The following DDX18 variants were observed in gnomAD, a reference collection of about 807,000 sequenced individuals.
DDX18 encodes ATP-dependent RNA helicase DDX18.
In DDX18, 23 loss-of-function variants were observed where a neutral mutation model predicts 73.5. That is an observed-to-expected ratio of 0.31 (90% confidence interval 0.23 to 0.44). The LOEUF is 0.44. DDX18 is among the 20% of genes least tolerant of loss of function. The pLI is 1.00. For missense variants in DDX18, 753 were observed against 792.9 expected (o/e 0.95, Z 0.60); for synonymous variants, 268 against 282.7 (o/e 0.95, Z 0.52).
intron 2 of DDX18, 61 bp downstream of exon 2, chr2:117,817,789 T>C: frequency 6.7e-7 from 1 of 1,501,060 alleles, no homozygotes. Flanking sequence ...TTATTGTTCC[T>C]CTTTCTATTA....
In DDX18 at chr2:117,819,759, A is replaced by G; in HGVS notation, c.481A>G (p.Ser161Gly). ...VEKPDNDEDE[S>G]EVPSLPLGLT... ...GAAGCCAGATAATGATGAAGATGAG[A>G]GTGAGGTGCCCAGTCTGCCCCTGGG... The change falls in exon 3 of 14, where the codon AGT becomes GGT. Residue 161 changes from serine (S) to glycine (G), a missense_variant. Transcript: ENST00000263239. 1 of 1,605,956 alleles carries G rather than the reference A, an allele frequency of 6.2e-7. No homozygotes were observed. Among genetic ancestry groups the G allele is most frequent in the Non-Finnish European group, 8.5e-7 (1 of 1,177,276 alleles).
In DDX18 at chr2:117,818,548, C is replaced by T. The variant is rs528941977; in HGVS notation, c.370+820C>T. Among the ~76,000 whole-genome samples, 5 of 152,334 alleles carry T rather than the reference C, an allele frequency of 3.3e-5. No individual in the cohort carries two copies. The East Asian group carries it at 9.6e-4, about 29-fold the overall frequency. ...CTTCATGATGCCTACACACAGAAGT[C>T]ATTGTAATCCTGTTCTAAAATTATT... On this transcript the variant is annotated intron_variant, in intron 2 of 13. Coordinates refer to ENST00000263239, the MANE Select transcript of DDX18 (RefSeq NM_006773.4).
Position 117,821,509 on chromosome 2 carries a change from A to G in DDX18, c.651-141A>G, listed in dbSNP as rs10490632. On this transcript the variant is annotated intron_variant, in intron 4 of 13. Transcript: ENST00000263239. ...TAGCACAGTTCTGACTTATGATTTC[A>G]GTATATAACCCAGGTGATCAATTTC... The G allele has an allele frequency of 0.083, 89,747 of 1,084,898 alleles. 4,071 individuals carry two copies. Among genetic ancestry groups the G allele is most frequent in the African/African-American group, 0.12 (7,636 of 62,904 alleles). The allele number at this position is 1,084,898 out of a possible 1,614,324, so 67.2% of individuals were successfully genotyped here.
intron 2 of DDX18, 92 bp from the exon 3 acceptor site, chr2:117,819,557 G>A (rs779925175): frequency 1.3e-4 from 147 of 1,163,330 alleles, no homozygotes; most frequent in South Asian, 1.5e-4. Flanking sequence ...GAAAATATAC[G>A]TCTTTATATC....
rs1680012083 is a variant in DDX18, at chr2:117,830,870, T to G, written c.*146T>G. The G allele has an allele frequency of 1.2e-6, 1 of 852,194 alleles. No homozygotes were observed. The highest frequency in any genetic ancestry group is 1.8e-6 in the Non-Finnish European group (1 of 554,934). 52.8% of individuals were successfully genotyped at this position (852,194 alleles called of 1,614,324 possible). A position where few individuals can be genotyped will look rare whatever the true frequency, so the allele number is the denominator to read the frequency against. On this transcript the variant is annotated 3_prime_UTR_variant, in exon 14 of 14. Transcript: ENST00000263239. Reference sequence around the variant, plus strand: ...CTTGGGTTGCAAGCACTGAGCACTGTTACTTCTATCACGTCTCTCTTTTAT... The same window carrying G: ...CTTGGGTTGCAAGCACTGAGCACTGGTACTTCTATCACGTCTCTCTTTTAT...
intron 3 of DDX18, among the ~76,000 whole-genome samples, chr2:117,820,744 T>C (rs1404513401): frequency 3.9e-5 from 6 of 152,232 alleles, no homozygotes; most frequent in Admixed American, 3.9e-4. Context: ...TTCTGTGTCT[T>C]GTTGGAGTGA....
intron 1 of DDX18, among the ~76,000 whole-genome samples, chr2:117,816,867 A>G (rs1327522717): frequency 1.3e-5 from 2 of 152,218 alleles, no homozygotes; most frequent in Non-Finnish European, 2.9e-5. Context: ...TTATAATCTT[A>G]TGGAGCCACT....
chr2:117,826,417 G>C, intron 11 of DDX18, 35 bp downstream of exon 11: 1 of 1,587,312 alleles, frequency 6.3e-7, no homozygotes, highest in South Asian at 1.1e-5. Flanking sequence ...ATTTCTCTTG[G>C]TGTAGGGATT....
chr2:117,830,505 C>T (rs940328515), intron 13 of DDX18, 77 bp from the exon 14 acceptor site: 17 of 1,512,686 alleles, frequency 1.1e-5, no homozygotes, highest in Admixed American at 2.2e-5. Context: ...GTGTTCATGC[C>T]GGTTTTTTTC....
At chr2:117,828,920 T>G in intron 11 of DDX18, 29 bp from the exon 12 acceptor site, 1 of 1,497,366 alleles carries the variant, frequency 6.7e-7, no homozygotes, top group Non-Finnish European at 9.3e-7. Flanking sequence ...TCATCCTGGT[T>G]TACTAATCTT....
Position 117,830,554 on chromosome 2 carries a change from G to T in DDX18, c.1871-28G>T, listed in dbSNP as rs1240029987. The T allele has an allele frequency of 2.3e-5, 36 of 1,596,152 alleles. No individual in the cohort carries two copies. The Admixed American group carries it at 2.7e-4, about 12-fold the overall frequency. ...TAGATTGGAGTTCATTATCTTTTTT[G>T]CTTGATTTCCTTAATGTTTGCCTCC... On this transcript the variant is annotated intron_variant, in intron 13 of 13. Transcript: ENST00000263239.
Position 117,830,619 on chromosome 2 carries a change from A to T in DDX18, c.1908A>T (p.Gly636=), listed in dbSNP as rs139880949. Residue 636 remains glycine (G), a synonymous_variant, in exon 14 of 14, where the codon GGA becomes GGT. Coordinates refer to ENST00000263239, the MANE Select transcript of DDX18 (RefSeq NM_006773.4). ...NSNEGKQKKR[G]GGGGFGYQKT... is the part of the protein sequence containing the mutation. ...ATGAAGGCAAGCAGAAAAAGCGAGG[A>T]GGTGGTGGTGGATTTGGCTACCAGA... 10 of 1,613,690 alleles carry T rather than the reference A, an allele frequency of 6.2e-6. No individual in the cohort carries two copies. The highest frequency in any genetic ancestry group is 1.3e-5 in the African/African-American group (1 of 74,898).
chr2:117,821,597 C>A, intron 4 of DDX18, 53 bp from the exon 5 acceptor site: 1 of 1,585,284 alleles, frequency 6.3e-7, no homozygotes, highest in Non-Finnish European at 8.7e-7. Flanking sequence ...GTATGTAGTA[C>A]GTCGTAAATG....
chr2:117,830,809 TAGA>T lies in DDX18; in HGVS notation c.*87_*89del, dbSNP rs889038045. The T allele has an allele frequency of 3.2e-6, 5 of 1,550,242 alleles. No homozygotes were observed. The African/African-American group carries it at 6.9e-5, about 21-fold the overall frequency. ...GATTTAACAGGATTTTTGTAGACTT[TAGA>T]ATTTGGACTTACCTAACAAGAGTAT... On this transcript the variant is annotated 3_prime_UTR_variant, in exon 14 of 14. Coordinates refer to ENST00000263239, the MANE Select transcript of DDX18 (RefSeq NM_006773.4).
rs376710134 is a variant in DDX18 at position 117,818,797 on chromosome 2, C to T, written c.371-852C>T. 5.3e-5 allele frequency among the ~76,000 whole-genome samples: 8 copies of T among 152,150 alleles called. No individual in the cohort carries two copies. In the East Asian group the frequency reaches 9.6e-4, roughly 18 times the overall value. On this transcript the variant is annotated intron_variant, in intron 2 of 13. Coordinates refer to ENST00000263239, the MANE Select transcript of DDX18 (RefSeq NM_006773.4). ...TCGGCTTCCCAAAGTGCTGGGATTA[C>T]AGGCAGAAGCCACCACACCCAACCA...
At chr2:117,826,995 A>G (rs548620619) in intron 11 of DDX18, 2 of 153,554 alleles carry the variant, frequency 1.3e-5, no homozygotes, top group African/African-American at 4.8e-5. Context: ...GTCCCTAACC[A>G]GCCTAATTTG....
Position 117,831,375 on chromosome 2 carries a change from T to C in DDX18, c.*651T>C, listed in dbSNP as rs1456144272. ...CAAAAACTATGGGTTGTAATTTGAA[T>C]AAAGTGTCACTAAGCAGTTATAACG... On this transcript the variant is annotated 3_prime_UTR_variant, in exon 14 of 14. Transcript: ENST00000263239. The C allele has an allele frequency of 6.6e-6, 1 of 152,218 alleles. No individual in the cohort carries two copies. The highest frequency in any genetic ancestry group is 1.5e-5 in the Non-Finnish European group (1 of 68,064). 9.4% of individuals were successfully genotyped at this position (152,218 alleles called of 1,614,324 possible).
chr2:117,815,465 A>G (rs1192596336), intron 1 of DDX18, among the ~76,000 whole-genome samples: 1 of 152,178 alleles, frequency 6.6e-6, no homozygotes, highest in Admixed American at 6.5e-5. Context: ...CCTCATTTGC[A>G]GTCCCAGTGT....
Position 117,829,388 on chromosome 2 carries a change from A to T in DDX18, c.1792A>T (p.Ile598Phe). ...RAYDSHSLKQ[I>F]FNVNNLNLPQ... ...CTATGATTCCCATTCTCTGAAACAGATCTTTAATGTTAATAACCTAAATTT... is the reference window on the plus strand; with the variant it reads ...CTATGATTCCCATTCTCTGAAACAGTTCTTTAATGTTAATAACCTAAATTT... Residue 598 changes from isoleucine (I) to phenylalanine (F), a missense_variant, in exon 13 of 14, where the codon ATC becomes TTC. Ile to Phe is a conservative substitution (Grantham distance 21). This residue lies in a region of DDX18 where 402 missense variants were observed against 419.4 expected (regional missense o/e 0.96). Transcript: ENST00000263239. 3.1e-6 allele frequency: 5 copies of T among 1,614,130 alleles called. No individual in the cohort carries two copies. The highest frequency in any genetic ancestry group is 4.2e-6 in the Non-Finnish European group (5 of 1,180,006).
Sources: gnomAD v4.1 joint callset for allele counts (sites outside exome capture counted in the v4.1 genomes callset) on GRCh38, gnomAD v4.1.1 for gene constraint, gnomAD v4.1.1 regional missense constraint, MANE v1.5 for transcripts, NCBI Gene and HGNC (gene_info 2026-07-23, HGNC 2026-07-21) for gene names.